The following GTPBP1 variants were observed in gnomAD, a reference collection of about 807,000 sequenced individuals.
GTPBP1 encodes GTP binding protein 1.
GTPBP1 carries 23 observed loss-of-function variants against 62.0 expected under a neutral mutation model. The observed-to-expected ratio is 0.37, with a 90% confidence interval of 0.27 to 0.53. GTPBP1 has a LOEUF of 0.53. GTPBP1 is among the 20% of genes least tolerant of loss of function. The probability of loss-of-function intolerance (pLI) is 0.89; values close to 1 mark genes in which losing one functional copy is unlikely to be tolerated. For synonymous variants in GTPBP1, 344 were observed against 364.4 expected, an observed-to-expected ratio of 0.94 and a Z score of 0.64; for missense variants, 640 against 917.3, an observed-to-expected ratio of 0.70 and a Z score of 3.90.
At chr22:38,723,091 A>T in intron 5 of GTPBP1, 1 of 771,000 alleles carries the variant, frequency 1.3e-6, no homozygotes, top group Non-Finnish European at 2.4e-6. Flanking sequence ...AGGCAAGATG[A>T]CTAAAGTGGG....
downstream of GTPBP1, chr22:38,740,773 C>T (rs1056777091): frequency 4.3e-5 from 26 of 599,260 alleles, no homozygotes; most frequent in Middle Eastern, 4.4e-4. The surrounding 1 kb of genome is among the most constrained non-coding windows in gnomAD (Gnocchi z 4.8). Flanking sequence ...AAATGAATCC[C>T]GGTCCTCTCA....
intron 1 of GTPBP1, among the ~76,000 whole-genome samples, chr22:38,707,222 AAGAT>A (rs777208833): frequency 6.6e-6 from 1 of 152,248 alleles, no homozygotes; most frequent in Non-Finnish European, 1.5e-5. Context: ...CAGTGGGTGA[AAGAT>A]AGAACACCAA....
At chr22:38,720,538 A>G (rs528891163) in intron 4 of GTPBP1, among the ~76,000 whole-genome samples, 74 of 151,836 alleles carry the variant, frequency 4.9e-4, no homozygotes, top group Middle Eastern at 6.8e-3. Context: ...CTGAACACTC[A>G]CCTCTTTTTA....
chr22:38,730,674 G>A lies in GTPBP1; in HGVS notation c.1980G>A (p.Gly660=). ...AGCGCCACAAGGTGAAGTCCCAGGGGGCCTGTGTGACTCCTGCCAGCGGCT... is the reference window on the plus strand; with the variant it reads ...AGCGCCACAAGGTGAAGTCCCAGGGAGCCTGTGTGACTCCTGCCAGCGGCT... ...GGQRHKVKSQ[G]ACVTPASGC is the part of the protein sequence containing the mutation. The change falls in exon 12 of 12, where the codon GGG becomes GGA. Residue 660 remains glycine, a synonymous_variant. Transcript: ENST00000216044. This position sits in a 1 kb window ranked among gnomAD's most constrained non-coding sequence, Gnocchi z 5.6. The A allele has an allele frequency of 6.2e-7, 1 of 1,602,642 alleles. No individual in the cohort carries two copies. Among genetic ancestry groups the A allele is most frequent in the Non-Finnish European group, 8.5e-7 (1 of 1,177,318 alleles).
downstream of GTPBP1, chr22:38,735,428 C>T: frequency 3.0e-6 from 1 of 338,530 alleles, no homozygotes; most frequent in South Asian, 2.2e-5. Context: ...ATGCTAATGG[C>T]CCCAAAGACA....
At chr22:38,714,280 A>C (rs1369627599) in intron 2 of GTPBP1, among the ~76,000 whole-genome samples, 1 of 152,104 alleles carries the variant, frequency 6.6e-6, no homozygotes, top group Non-Finnish European at 1.5e-5. Context: ...GGAGTTCGAG[A>C]CCAGCCTGGC....
intron 2 of GTPBP1, among the ~76,000 whole-genome samples, chr22:38,709,258 C>T (rs375547696): frequency 5.3e-4 from 80 of 152,092 alleles, no homozygotes; most frequent in African/African-American, 1.9e-3. Flanking sequence ...TGCCATTGTG[C>T]TCCAGCCTAG....
chr22:38,706,557 C>G (rs1008181325), intron 1 of GTPBP1: 9 of 166,098 alleles, frequency 5.4e-5, no homozygotes, highest in Admixed American at 2.4e-4. Flanking sequence ...CTGGACCGCG[C>G]GGGACAGCAG....
In GTPBP1 at chr22:38,730,222, T is replaced by C. The variant is rs1241143646; in HGVS notation, c.1918-390T>C. 6.6e-6 allele frequency among the ~76,000 whole-genome samples: 1 copy of C among 152,226 alleles called. No individual in the cohort carries two copies. Among genetic ancestry groups the C allele is most frequent in the Non-Finnish European group, 1.5e-5 (1 of 68,030 alleles). On this transcript the variant is annotated intron_variant, in intron 11 of 11. Transcript: ENST00000216044. This position sits in a 1 kb window ranked among gnomAD's most constrained non-coding sequence, Gnocchi z 5.6. ...CCCCTCTCCCCAGCATCTTTCTCCA[T>C]TGTCCCCTCATTGGAAAAGGAGGCT...
At chr22:38,714,101 A>G (rs907248239) in intron 2 of GTPBP1, among the ~76,000 whole-genome samples, 58 of 152,186 alleles carry the variant, frequency 3.8e-4, no homozygotes, top group African/African-American at 1.4e-3. Context: ...GTGGGAGGGA[A>G]GTGCTTCAAG....
chr22:38,723,518 G>A (rs963058888), intron 5 of GTPBP1: 5 of 663,144 alleles, frequency 7.5e-6, no homozygotes, highest in South Asian at 3.5e-5. Flanking sequence ...CAGTGCACGC[G>A]GGCGAAACTT....
chr22:38,713,371 G>C (rs1437839039), intron 2 of GTPBP1, among the ~76,000 whole-genome samples: 1 of 152,184 alleles, frequency 6.6e-6, no homozygotes, highest in East Asian at 1.9e-4. Context: ...CTTTATTTAG[G>C]ACCTTAAGGG....
intron 5 of GTPBP1, chr22:38,722,876 G>T: frequency 7.1e-7 from 1 of 1,410,348 alleles, no homozygotes; most frequent in Non-Finnish European, 1.0e-6. Flanking sequence ...CCAAGTGGAG[G>T]GTTTCTTCCA....
At chr22:38,720,852 C>T (rs1358244775) in intron 4 of GTPBP1, among the ~76,000 whole-genome samples, 1 of 152,102 alleles carries the variant, frequency 6.6e-6, no homozygotes, top group African/African-American at 2.4e-5. Flanking sequence ...TTGTTATCTC[C>T]CCATTTTACA....
rs767690511 is a variant in GTPBP1 at position 38,721,798 on chromosome 22, G to A, written c.891G>A (p.Leu297=). 3 of 1,613,000 alleles carry A rather than the reference G, an allele frequency of 1.9e-6. No homozygotes were observed. Among genetic ancestry groups the A allele is most frequent in the Admixed American group, 1.7e-5 (1 of 60,020 alleles). ...GMTKEHLGLA[L]ALNVPVFVVV... ...CCAAAGAACACCTGGGCTTGGCACT[G>A]GCACTCAATGTACCTGTCTTTGTGG... Residue 297 remains leucine (L), a synonymous_variant, in exon 5 of 12, where the codon CTG becomes CTA. Coordinates refer to ENST00000216044, the MANE Select transcript of GTPBP1 (RefSeq NM_004286.5).
At chr22:38,740,144 G>A (rs564711211), downstream of GTPBP1, 1,855 of 1,340,046 alleles carry the variant, frequency 1.4e-3, 4 homozygotes, top group Non-Finnish European at 1.7e-3. The surrounding 1 kb of genome is among the most constrained non-coding windows in gnomAD (Gnocchi z 4.8). Flanking sequence ...CAAGGCCAAC[G>A]CCACAGTCTC....
chr22:38,730,503 A>G lies in GTPBP1; in HGVS notation c.1918-109A>G, dbSNP rs909564. On this transcript the variant is annotated intron_variant, in intron 11 of 11. Coordinates refer to ENST00000216044, the MANE Select transcript of GTPBP1 (RefSeq NM_004286.5). This position sits in a 1 kb window ranked among gnomAD's most constrained non-coding sequence, Gnocchi z 5.6. ...GGTCAGGCTAGGGTGAGGACCACGC[A>G]GCCTGCTCACGCATCTTCCGTCCCT... 289,677 of 758,316 alleles carry G rather than the reference A, an allele frequency of 0.38. 57,906 individuals are homozygous for G. The highest frequency in any genetic ancestry group is 0.6 in the African/African-American group (35,151 of 59,026). The allele number at this position is 758,316 out of a possible 1,614,324, so 47.0% of individuals were successfully genotyped here. A position where few individuals can be genotyped will look rare whatever the true frequency, so the allele number is the denominator to read the frequency against.
chr22:38,738,996 A>G (rs1045388817), downstream of GTPBP1: 1 of 1,603,546 alleles, frequency 6.2e-7, no homozygotes, highest in Non-Finnish European at 8.5e-7. The surrounding 1 kb of genome is among the most constrained non-coding windows in gnomAD (Gnocchi z 6.6). Context: ...CCCCTGAGAC[A>G]GGAGAGGAAG....
intron 1 of GTPBP1, chr22:38,706,780 C>CTGTGAGTGGAAGCTCATCTTG (rs1453586402): frequency 2.0e-5 from 3 of 152,260 alleles, no homozygotes; most frequent in Admixed American, 2.0e-4. Flanking sequence ...TCTCGCTATC[C>CTGTGAGTGGAAGCTCATCTTG]TGTGAGTGGA....
Sources: allele counts gnomAD v4.1 joint callset (sites outside exome capture counted in the v4.1 genomes callset), GRCh38; gene constraint gnomAD v4.1.1; non-coding constraint Gnocchi (gnomAD v3.1); transcripts MANE v1.5; gene names NCBI Gene and HGNC (gene_info 2026-07-23, HGNC 2026-07-21).